AFF1: variants seen among roughly 807,000 people sequenced by gnomAD.
AFF1 encodes the protein ALF transcription elongation factor 1, also known as AF4/FMR2 family member 1.
AFF1 carries 48 observed loss-of-function variants against 121.7 expected under a neutral mutation model. That is an observed-to-expected ratio of 0.39 (90% CI 0.31 to 0.50). The LOEUF is 0.50. Among genes scored for constraint, AFF1 ranks in the 20% least tolerant of loss-of-function variants. The pLI is 0.76. For synonymous variants in AFF1, 613 were observed against 563.0 expected (o/e 1.09, Z -1.26); for missense variants, 1,523 against 1,511.7 (o/e 1.01, Z -0.12).
At chr4:86,996,228 C>G (rs1379223545) in intron 2 of AFF1, among the ~76,000 whole-genome samples, 8 of 148,584 alleles carry the variant, frequency 5.4e-5, no homozygotes, top group African/African-American at 1.3e-4. Flanking sequence ...GAGGTGTACC[C>G]AACAGCTCAT....
intron 2 of AFF1, among the ~76,000 whole-genome samples, chr4:86,999,947 C>T (rs1399513280): frequency 1.3e-5 from 2 of 152,078 alleles, no homozygotes; most frequent in Non-Finnish European, 2.9e-5. Context: ...CCTGGAGCAT[C>T]CTGTAGTAAC....
At chr4:87,026,417 G>A (rs911944671) in intron 2 of AFF1, among the ~76,000 whole-genome samples, 1 of 152,080 alleles carries the variant, frequency 6.6e-6, no homozygotes, top group Non-Finnish European at 1.5e-5. Context: ...CCCTGTACTC[G>A]TTTACTGTGA....
chr4:87,062,506 G>A (rs1399893774), intron 4 of AFF1, among the ~76,000 whole-genome samples: 2 of 152,008 alleles, frequency 1.3e-5, no homozygotes, highest in South Asian at 2.1e-4. Flanking sequence ...AGGAGTTATC[G>A]ATGCTTTTTT....
At chr4:86,952,406 T>A (rs1335025035) in intron 2 of AFF1, among the ~76,000 whole-genome samples, 2 of 152,192 alleles carry the variant, frequency 1.3e-5, no homozygotes, top group Admixed American at 1.3e-4. Flanking sequence ...TCAAAAAGGT[T>A]TAGTTACTGA....
In AFF1 at chr4:86,987,946, C is replaced by CA. The variant is rs70953634; in HGVS notation, c.38+39392dup. On this transcript the variant is annotated intron_variant, in intron 2 of 20. Transcript: ENST00000395146. ...TCAGCTTGGGGGACAGAGTGAGACTCAAAAAAAAAAAAAAAAATTATCCAA... is the reference window on the plus strand; with the variant it reads ...TCAGCTTGGGGGACAGAGTGAGACTCAAAAAAAAAAAAAAAAAATTATCCAA... Among the ~76,000 whole-genome samples the CA allele has an allele frequency of 8.7e-4, 118 of 134,900 alleles. 2 individuals carry two copies. The highest frequency in any genetic ancestry group is 2.6e-3 in the African/African-American group (92 of 35,590). 88.5% of individuals were successfully genotyped at this position (134,900 alleles called of 152,430 possible).
Position 87,105,847 on chromosome 4 carries a change from T to C in AFF1, c.1376+2T>C, listed in dbSNP as rs1386049260. On this transcript the variant is annotated splice_donor_variant, in intron 10 of 20. Coordinates refer to ENST00000395146, the MANE Select transcript of AFF1 (RefSeq NM_001166693.3). LOFTEE classifies it high-confidence loss of function. ...TCCCTCCTCATCTGCACCTCCAAGG[T>C]ACCGTGTGGGTTTCTCCCCATCTGT... 6.2e-7 allele frequency: 1 copy of C among 1,614,042 alleles called. No homozygotes were observed. Among genetic ancestry groups the C allele is most frequent in the Non-Finnish European group, 8.5e-7 (1 of 1,179,980 alleles).
chr4:86,944,491 C>T (rs570682572), intron 1 of AFF1, among the ~76,000 whole-genome samples: 34 of 151,658 alleles, frequency 2.2e-4, no homozygotes, highest in African/African-American at 7.8e-4. Flanking sequence ...CTCAGGCACG[C>T]GCCATCACGC....
At chr4:87,033,143 A>G (rs2149586558) in intron 2 of AFF1, among the ~76,000 whole-genome samples, 1 of 152,332 alleles carries the variant, frequency 6.6e-6, no homozygotes, top group Non-Finnish European at 1.5e-5. Flanking sequence ...CCTGTCTCAA[A>G]AAACAAAACA....
rs540510213 is a variant in AFF1, at chr4:87,138,954, C to G, written c.*3253C>G. ...CTCAGGATGTTTAGAAAGCTAAAACCCCCTACCCCTTTCTGGCTGAAAACT... is the reference window on the plus strand; with the variant it reads ...CTCAGGATGTTTAGAAAGCTAAAACGCCCTACCCCTTTCTGGCTGAAAACT... On this transcript the variant is annotated 3_prime_UTR_variant, in exon 21 of 21. Coordinates refer to ENST00000395146, the MANE Select transcript of AFF1 (RefSeq NM_001166693.3). 8.8e-6 allele frequency: 2 copies of G among 226,216 alleles called. No homozygotes were observed. The highest frequency in any genetic ancestry group is 1.3e-4 in the East Asian group (2 of 15,644). The allele number at this position is 226,216 out of a possible 1,614,324, so 14.0% of individuals were successfully genotyped here.
chr4:87,055,280 A>G (rs1719998570), intron 4 of AFF1, among the ~76,000 whole-genome samples: 1 of 152,244 alleles, frequency 6.6e-6, no homozygotes, highest in South Asian at 2.1e-4. Flanking sequence ...AAGCTCTTAA[A>G]TTGCTAAAAA....
chr4:87,064,874 A>G (rs1721172436), intron 4 of AFF1, among the ~76,000 whole-genome samples: 1 of 55,068 alleles, frequency 1.8e-5, no homozygotes, highest in Admixed American at 1.4e-4. Flanking sequence ...ATTCCGTCTC[A>G]AAAGAAAAAA....
chr4:87,056,499 G>C (rs1172691204), intron 4 of AFF1, among the ~76,000 whole-genome samples: 1 of 152,126 alleles, frequency 6.6e-6, no homozygotes, highest in Non-Finnish European at 1.5e-5. Flanking sequence ...GAATTCTATG[G>C]TATAATTAGA....
intron 5 of AFF1, among the ~76,000 whole-genome samples, chr4:87,085,945 G>T (rs963523507): frequency 1.3e-5 from 2 of 151,944 alleles, no homozygotes; most frequent in Non-Finnish European, 2.9e-5. Context: ...CACCATCTTG[G>T]CCAGGCTGGT....
chr4:87,109,383 G>A (rs892026155), intron 11 of AFF1, among the ~76,000 whole-genome samples: 5 of 152,172 alleles, frequency 3.3e-5, no homozygotes, highest in South Asian at 2.1e-4. Flanking sequence ...TATGTCTGGC[G>A]CAGAAAATAA....
At chr4:87,122,881 T>TTAAAA (rs1381944812) in intron 12 of AFF1, among the ~76,000 whole-genome samples, 9 of 96,646 alleles carry the variant, frequency 9.3e-5, no homozygotes, top group African/African-American at 3.4e-4. Context: ...GGAAAATTAG[T>TTAAAA]AAAAAAAAAA....
chr4:86,956,576 C>T (rs1053790438), intron 2 of AFF1, among the ~76,000 whole-genome samples: 1 of 152,164 alleles, frequency 6.6e-6, no homozygotes, highest in African/African-American at 2.4e-5. Flanking sequence ...ATGGAACTAC[C>T]TGTTTACAGT....
At chr4:87,028,113 G>A (rs1728711437) in intron 2 of AFF1, among the ~76,000 whole-genome samples, 1 of 151,938 alleles carries the variant, frequency 6.6e-6, no homozygotes, top group Admixed American at 6.6e-5. Context: ...AACACTTAAG[G>A]TCCCAAGCAT....
At chr4:87,050,222 A>T in intron 4 of AFF1, among the ~76,000 whole-genome samples, 1 of 142,718 alleles carries the variant, frequency 7.0e-6, no homozygotes, top group East Asian at 2.2e-4. Flanking sequence ...CTCTTGGTAG[A>T]GCTGGGAGAA....
At chr4:87,057,036 T>C (rs1720217302) in intron 4 of AFF1, among the ~76,000 whole-genome samples, 1 of 152,240 alleles carries the variant, frequency 6.6e-6, no homozygotes, top group Non-Finnish European at 1.5e-5. Context: ...GTCCACAGTC[T>C]TAACCACAAC....
Sources: allele counts gnomAD v4.1 joint callset (sites outside exome capture counted in the v4.1 genomes callset), GRCh38; gene constraint gnomAD v4.1.1; transcripts MANE v1.5; gene names NCBI Gene and HGNC (gene_info 2026-07-23, HGNC 2026-07-21).